RAI1: variants seen among roughly 807,000 people sequenced by gnomAD.
RAI1 encodes the protein retinoic acid-induced protein 1.
RAI1 carries 9 observed loss-of-function variants against 123.8 expected under a neutral mutation model. The ratio of observed to expected loss-of-function variants is 0.07; its 90% confidence interval spans 0.04 to 0.13. The LOEUF is 0.13. RAI1 is among the 10% of genes least tolerant of loss of function. RAI1 has a pLI of 1.00. For missense variants in RAI1, 2,256 were observed against 2,545.8 expected, an observed-to-expected ratio of 0.89 and a Z score of 2.45; for synonymous variants, 1,231 against 1,127.3, an observed-to-expected ratio of 1.09 and a Z score of -1.84.
In RAI1 at chr17:17,809,915, T is replaced by G; in HGVS notation, c.5710-55T>G. 6.4e-7 allele frequency: 1 copy of G among 1,553,482 alleles called. No homozygotes were observed. The highest frequency in any genetic ancestry group is 2.4e-5 in the East Asian group (1 of 41,448). Reference sequence around the variant, plus strand: ...GGGGGCCCACACTGGGGGCGGGGCCTATGGACTGTGAAGTCCGAGGTCGTC... The same window carrying G: ...GGGGGCCCACACTGGGGGCGGGGCCGATGGACTGTGAAGTCCGAGGTCGTC... On this transcript the variant is annotated intron_variant, in intron 5 of 5. Coordinates refer to ENST00000353383, the MANE Select transcript of RAI1 (RefSeq NM_030665.4). This position sits in a 1 kb window ranked among gnomAD's most constrained non-coding sequence, Gnocchi z 4.9.
intron 2 of RAI1, among the ~76,000 whole-genome samples, chr17:17,745,814 G>C (rs1222468630): frequency 6.6e-6 from 1 of 152,224 alleles, no homozygotes; most frequent in African/African-American, 2.4e-5. Context: ...CTTGTGTGGA[G>C]TCCAGGCCAG....
intron 1 of RAI1, chr17:17,684,506 C>G (rs1246692461): frequency 2.6e-5 from 4 of 151,792 alleles, no homozygotes; most frequent in African/African-American, 9.7e-5. Flanking sequence ...AATAATTCCT[C>G]TCATGTTAAA....
At chr17:17,785,238 G>A (rs2031785528) in intron 2 of RAI1, among the ~76,000 whole-genome samples, 1 of 152,224 alleles carries the variant, frequency 6.6e-6, no homozygotes, top group South Asian at 2.1e-4. Context: ...CTTCCTGATT[G>A]GCTGTTGCAT....
intron 2 of RAI1, among the ~76,000 whole-genome samples, chr17:17,746,123 G>A (rs753531406): frequency 2.6e-5 from 4 of 152,212 alleles, no homozygotes; most frequent in Admixed American, 6.5e-5. Context: ...CACTGGAAAC[G>A]GCAGCCGGCG....
At chr17:17,744,707 T>C (rs1490441000) in intron 2 of RAI1, among the ~76,000 whole-genome samples, 1 of 149,734 alleles carries the variant, frequency 6.7e-6, no homozygotes, top group East Asian at 2.0e-4. Context: ...GGAGAATCTC[T>C]TGAACGCAGG....
intron 2 of RAI1, among the ~76,000 whole-genome samples, chr17:17,737,462 G>A (rs1381708293): frequency 2.0e-5 from 3 of 152,176 alleles, no homozygotes; most frequent in Admixed American, 6.5e-5. Flanking sequence ...ACTACCAGAG[G>A]GAGGCCAGAG....
intron 2 of RAI1, chr17:17,777,906 G>A (rs1025150749): frequency 6.6e-6 from 1 of 152,284 alleles, no homozygotes; most frequent in African/African-American, 2.4e-5. Context: ...CTGAGACTGA[G>A]GGCTTGGGGA....
chr17:17,708,358 G>A (rs1915455601), intron 1 of RAI1, among the ~76,000 whole-genome samples: 1 of 152,118 alleles, frequency 6.6e-6, no homozygotes. Context: ...TAGATTGAAT[G>A]AGCAAGGAAT....
intron 2 of RAI1, among the ~76,000 whole-genome samples, chr17:17,789,030 A>G (rs2143000596): frequency 6.6e-6 from 1 of 152,340 alleles, no homozygotes; most frequent in Admixed American, 6.5e-5. Flanking sequence ...TGAGGACAGA[A>G]TAAAAAAGTG....
At chr17:17,688,957 T>G (rs542013235) in intron 1 of RAI1, among the ~76,000 whole-genome samples, 24 of 150,572 alleles carry the variant, frequency 1.6e-4, no homozygotes, top group Admixed American at 4.6e-4. Context: ...CCATTATGAT[T>G]ATTATTTTTT....
At chr17:17,806,991 G>A (rs1181000049) in intron 4 of RAI1, among the ~76,000 whole-genome samples, 1 of 152,142 alleles carries the variant, frequency 6.6e-6, no homozygotes, top group Non-Finnish European at 1.5e-5. Context: ...GACATACAAA[G>A]TGTAGATAGC....
chr17:17,794,086 G>A lies in RAI1; in HGVS notation c.1138G>A (p.Gly380Arg), dbSNP rs747782128. The change falls in exon 3 of 6, where the codon GGG becomes AGG. Residue 380 changes from glycine to arginine, a missense_variant. This residue lies in a region of RAI1 where 357 missense variants were observed against 480.2 expected (regional missense o/e 0.74). Coordinates refer to ENST00000353383, the MANE Select transcript of RAI1 (RefSeq NM_030665.4). ...FPYSQQPLST[G>R]AFPAGITDHS... The stretch of plus-strand genomic sequence containing the variant: ...CTACAGCCAGCAGCCGCTCAGCACC[G>A]GGGCCTTCCCCGCAGGGATCACTGA... 1.6e-5 allele frequency: 26 copies of A among 1,613,880 alleles called. No homozygotes were observed. Among genetic ancestry groups the A allele is most frequent in the South Asian group, 1.2e-4 (11 of 91,084 alleles).
intron 2 of RAI1, among the ~76,000 whole-genome samples, chr17:17,781,032 G>T (rs2031559220): frequency 6.6e-6 from 1 of 152,148 alleles, no homozygotes; most frequent in South Asian, 2.1e-4. Flanking sequence ...TTACCTCTCT[G>T]CTGGAATCTC....
At chr17:17,689,919 C>A (rs1914779161) in intron 1 of RAI1, among the ~76,000 whole-genome samples, 1 of 152,114 alleles carries the variant, frequency 6.6e-6, no homozygotes, top group South Asian at 2.1e-4. Flanking sequence ...GGTTGGCATC[C>A]AGAAAGGGGT....
chr17:17,810,080 C>A lies in RAI1; in HGVS notation c.*99C>A. 1 of 1,460,706 alleles carries A rather than the reference C, an allele frequency of 6.8e-7. No individual in the cohort carries two copies. The highest frequency in any genetic ancestry group is 9.2e-7 in the Non-Finnish European group (1 of 1,085,212). The allele number at this position is 1,460,706 out of a possible 1,614,324, so 90.5% of individuals were successfully genotyped here. ...GCGCAGCCCCCGGGCCTTTGAGCTGCTCCCAGCGCTGGTCCAGAGCCGATC... is the reference window on the plus strand; with the variant it reads ...GCGCAGCCCCCGGGCCTTTGAGCTGATCCCAGCGCTGGTCCAGAGCCGATC... On this transcript the variant is annotated 3_prime_UTR_variant, in exon 6 of 6. Transcript: ENST00000353383. This position sits in a 1 kb window ranked among gnomAD's most constrained non-coding sequence, Gnocchi z 4.6.
intron 2 of RAI1, among the ~76,000 whole-genome samples, chr17:17,751,049 T>G (rs2030147400): frequency 1.3e-5 from 2 of 152,236 alleles, no homozygotes; most frequent in Non-Finnish European, 2.9e-5. Flanking sequence ...AGCCGTCGAC[T>G]TCCGGTTTTG....
intron 2 of RAI1, among the ~76,000 whole-genome samples, chr17:17,785,745 C>T (rs1256277207): frequency 2.0e-5 from 3 of 152,154 alleles, no homozygotes; most frequent in South Asian, 2.1e-4. Flanking sequence ...CCAGGGCACT[C>T]GCCTTTCTGC....
In RAI1 at chr17:17,796,346, C is replaced by T. The variant is rs750335388; in HGVS notation, c.3398C>T (p.Ser1133Leu). 1.9e-6 allele frequency: 3 copies of T among 1,613,372 alleles called. No individual in the cohort carries two copies. The highest frequency in any genetic ancestry group is 2.5e-6 in the Non-Finnish European group (3 of 1,180,010). ...PMGSKTKETD[S>L]PSTPGKDQRS... ...GGCTCCAAGACCAAGGAGACAGACT[C>T]ACCCAGCACGCCTGGCAAGGACCAG... Residue 1133 changes from serine to leucine, a missense_variant, in exon 3 of 6, where the codon TCA becomes TTA. Physicochemically the swap from Ser to Leu is moderately radical, Grantham distance 145 (BLOSUM62 -2). Around this residue, in one of 7 missense-constraint regions of RAI1, gnomAD observed 322 missense variants for 358.0 expected, o/e 0.90. Transcript: ENST00000353383. This position sits in a 1 kb window ranked among gnomAD's most constrained non-coding sequence, Gnocchi z 5.8.
At chr17:17,753,313 T>C (rs1222471384) in intron 2 of RAI1, among the ~76,000 whole-genome samples, 1 of 152,192 alleles carries the variant, frequency 6.6e-6, no homozygotes, top group Non-Finnish European at 1.5e-5. Flanking sequence ...TTCGTTTGTG[T>C]ATTACTTGCT....
Sources: gnomAD v4.1 joint callset for allele counts (sites outside exome capture counted in the v4.1 genomes callset) on GRCh38, gnomAD v4.1.1 for gene constraint, gnomAD v4.1.1 regional missense constraint, Gnocchi (gnomAD v3.1) non-coding constraint, MANE v1.5 for transcripts, NCBI Gene and HGNC (gene_info 2026-07-23, HGNC 2026-07-21) for gene names.